Variants in SLC33A1 observed in about 807,000 individuals in gnomAD.
The protein encoded by SLC33A1 is acetyl-coenzyme A transporter 1.
SLC33A1 carries 20 observed loss-of-function variants against 50.0 expected under a neutral mutation model. The observed-to-expected ratio is 0.40, with a 90% CI of 0.28 to 0.58. SLC33A1 has a LOEUF of 0.58. Ranked by LOEUF, SLC33A1 falls within the 20% of genes least tolerant of loss-of-function variation. SLC33A1 has a pLI of 0.44. For missense variants in SLC33A1, 476 were observed against 657.0 expected (o/e 0.72, Z 3.01); for synonymous variants, 265 against 251.8 (o/e 1.05, Z -0.50).
At chr3:155,832,556 G>A (rs1421877702) in intron 4 of SLC33A1, among the ~76,000 whole-genome samples, 1 of 151,830 alleles carries the variant, frequency 6.6e-6, no homozygotes, top group Non-Finnish European at 1.5e-5. Context: ...GGCCGGGTAT[G>A]GTGGCTCATG....
At chr3:155,847,325 G>T (rs1222112528) in intron 1 of SLC33A1, among the ~76,000 whole-genome samples, 1 of 152,204 alleles carries the variant, frequency 6.6e-6, no homozygotes, top group Non-Finnish European at 1.5e-5. Context: ...GGTCTATCTA[G>T]AAATGGGTCA....
Position 155,853,671 on chromosome 3 carries a change from T to C in SLC33A1, c.327A>G (p.Gln109=), listed in dbSNP as rs74578336. 3.7e-3 allele frequency: 6,013 copies of C among 1,614,172 alleles called. 148 individuals carry two copies. In the African/African-American group the frequency reaches 0.063, roughly 17 times the overall value. The stretch of plus-strand genomic sequence containing the variant: ...GCCAAAAGACAAAACTGAAGAAAGC[T>C]TGGTCTGTATAGCTAACATTTTTGC... ...LQSKNVSYTD[Q]AFFSFVFWPF... The change falls in exon 1 of 6, where the codon CAA becomes CAG. Residue 109 remains glutamine, a synonymous_variant. Coordinates refer to ENST00000643144, the MANE Select transcript of SLC33A1 (RefSeq NM_004733.4).
chr3:155,841,378 C>A (rs902511068), intron 2 of SLC33A1, among the ~76,000 whole-genome samples: 1 of 152,062 alleles, frequency 6.6e-6, no homozygotes, highest in African/African-American at 2.4e-5. Flanking sequence ...GAGGAAAAAA[C>A]ACTCACTATT....
chr3:155,842,358 A>C, intron 2 of SLC33A1, 74 bp downstream of exon 2: 1 of 888,752 alleles, frequency 1.1e-6, no homozygotes, highest in South Asian at 1.5e-5. Flanking sequence ...CTGTGATATG[A>C]AAAAGGCATT....
intron 2 of SLC33A1, among the ~76,000 whole-genome samples, chr3:155,840,216 T>C (rs544921566): frequency 4.3e-4 from 65 of 151,332 alleles, no homozygotes; most frequent in African/African-American, 1.5e-3. Context: ...TCCTCCCGAG[T>C]AGCTGGGCTT....
At chr3:155,829,326 G>A (rs961348838) in intron 5 of SLC33A1, among the ~76,000 whole-genome samples, 2 of 152,110 alleles carry the variant, frequency 1.3e-5, no homozygotes, top group African/African-American at 4.8e-5. Flanking sequence ...TCACTATACA[G>A]GTTTAGTTAT....
At position 155,833,892 on chromosome 3, in the gene SLC33A1, C is replaced by T. The variant is rs754219844; in HGVS notation, c.1113G>A (p.Gln371=). The change falls in exon 3 of 6, where the codon CAG becomes CAA. Residue 371 remains glutamine, a synonymous_variant. Transcript: ENST00000643144. ...LIISKYTAGP[Q]PLNTFYKAMP... ...TGGCTTTGTAAAATGTGTTTAATGGCTGGGGACCTGCAGTGTATTTGCTGA... is the reference window on the plus strand; with the variant it reads ...TGGCTTTGTAAAATGTGTTTAATGGTTGGGGACCTGCAGTGTATTTGCTGA... 2.5e-6 allele frequency: 4 copies of T among 1,613,710 alleles called. 1 individual carries two copies. Among genetic ancestry groups the T allele is most frequent in the Non-Finnish European group, 2.5e-6 (3 of 1,179,888 alleles).
intron 5 of SLC33A1, among the ~76,000 whole-genome samples, chr3:155,828,764 A>AT (rs1416426471): frequency 6.6e-6 from 1 of 151,484 alleles, no homozygotes; most frequent in Non-Finnish European, 1.5e-5. Flanking sequence ...TAATTTCTAC[A>AT]TTTTTTGTAG....
intron 1 of SLC33A1, among the ~76,000 whole-genome samples, chr3:155,849,946 AATAAT>A (rs1177012957): frequency 4.4e-5 from 6 of 136,522 alleles, no homozygotes; most frequent in Non-Finnish European, 7.5e-5. Context: ...TAATAATAAT[AATAAT>A]AATAACAATT....
Position 155,854,278 on chromosome 3 carries a change from G to A in SLC33A1, c.-281C>T, listed in dbSNP as rs560777515. The A allele has an allele frequency of 2.0e-3, 667 of 329,438 alleles. 1 individual carries two copies. Among genetic ancestry groups the A allele is most frequent in the Non-Finnish European group, 3.1e-3 (563 of 179,752 alleles). The allele number at this position is 329,438 out of a possible 1,614,324, so 20.4% of individuals were successfully genotyped here. On this transcript the variant is annotated 5_prime_UTR_variant, in exon 1 of 6. Coordinates refer to ENST00000643144, the MANE Select transcript of SLC33A1 (RefSeq NM_004733.4). ...CCCCGGGCAGCAGCGCCGGGCTCGA[G>A]GCTGGAGGTGTGTGCCGTGGTGCCA... is the stretch of plus-strand genomic sequence containing the variant.
Position 155,833,747 on chromosome 3 carries a change from T to G in SLC33A1, c.1148+110A>C, listed in dbSNP as rs537323741. 4.1e-5 allele frequency: 42 copies of G among 1,032,648 alleles called. No homozygotes were observed. In the African/African-American group the frequency reaches 6.6e-4, roughly 16 times the overall value. 64.0% of individuals were successfully genotyped at this position (1,032,648 alleles called of 1,614,324 possible). A position where few individuals can be genotyped will look rare whatever the true frequency, so the allele number is the denominator to read the frequency against. ...TATAAATAATATTGAAAAAAGATGC[T>G]TTTCAAATCTTTTTCCATATATATA... On this transcript the variant is annotated intron_variant, in intron 3 of 5. Transcript: ENST00000643144.
In SLC33A1 at chr3:155,853,244, T is replaced by C. The variant is rs1424434691; in HGVS notation, c.754A>G (p.Arg252Gly). 1.9e-6 allele frequency: 3 copies of C among 1,613,812 alleles called. No homozygotes were observed. Among genetic ancestry groups the C allele is most frequent in the South Asian group, 1.1e-5 (1 of 91,088 alleles). The change falls in exon 1 of 6, where the codon AGA (arginine) becomes GGA (glycine). Residue 252 changes from arginine (R) to glycine (G), a missense_variant. Physicochemically the swap from Arg to Gly is moderately radical, Grantham distance 125. Coordinates refer to ENST00000643144, the MANE Select transcript of SLC33A1 (RefSeq NM_004733.4). The part of the protein sequence containing the change: ...NKYLRFQPQP[R>G]GIVTLSDFLF... ...CTACCTGAAAGAGTAACGATTCCTCTGGGTTGAGGCTGAAACCGCAAATAT... is the reference window on the plus strand; with the variant it reads ...CTACCTGAAAGAGTAACGATTCCTCCGGGTTGAGGCTGAAACCGCAAATAT...
At chr3:155,842,392 C>A in intron 2 of SLC33A1, 40 bp downstream of exon 2, 1 of 1,341,462 alleles carries the variant, frequency 7.5e-7, no homozygotes, top group South Asian at 1.2e-5. Flanking sequence ...GATATTGATA[C>A]TTATAAGAAA....
intron 4 of SLC33A1, among the ~76,000 whole-genome samples, chr3:155,831,542 A>G (rs891144091): frequency 1.3e-5 from 2 of 150,762 alleles, no homozygotes; most frequent in Non-Finnish European, 2.9e-5. Context: ...TATGTCATAC[A>G]TCATTTCTCG....
chr3:155,825,317 T>C lies in SLC33A1; in HGVS notation c.*2893A>G, dbSNP rs1157113473. The C allele has an allele frequency of 6.6e-6, 1 of 150,394 alleles. No homozygotes were observed. Among genetic ancestry groups the C allele is most frequent in the Non-Finnish European group, 1.5e-5 (1 of 67,646 alleles). The allele number at this position is 150,394 out of a possible 1,614,324, so 9.3% of individuals were successfully genotyped here. ...GGTGTGTACCACCATGCCTGGATAA[T>C]TAAAAAAAAAAAAGAAGTCATAAAG... is the stretch of plus-strand genomic sequence containing the variant. On this transcript the variant is annotated 3_prime_UTR_variant, in exon 6 of 6. Transcript: ENST00000643144.
chr3:155,832,089 C>G (rs1048256592), intron 4 of SLC33A1, among the ~76,000 whole-genome samples: 15 of 152,158 alleles, frequency 9.9e-5, no homozygotes, highest in Non-Finnish European at 1.8e-4. Context: ...AAAAAAATCT[C>G]ATTCTGGGCC....
intron 1 of SLC33A1, among the ~76,000 whole-genome samples, chr3:155,852,301 A>G (rs1753431488): frequency 1.3e-5 from 2 of 152,016 alleles, no homozygotes; most frequent in Non-Finnish European, 2.9e-5. Context: ...CCGACCCCCA[A>G]CTATCTCAAT....
At chr3:155,840,114 A>G (rs900832659) in intron 2 of SLC33A1, among the ~76,000 whole-genome samples, 3 of 151,492 alleles carry the variant, frequency 2.0e-5, no homozygotes, top group African/African-American at 7.3e-5. Context: ...TTGGGGATGG[A>G]GTCTCACTCT....
At chr3:155,851,190 G>A (rs1027557519) in intron 1 of SLC33A1, among the ~76,000 whole-genome samples, 5 of 151,932 alleles carry the variant, frequency 3.3e-5, no homozygotes, top group Non-Finnish European at 7.4e-5. Flanking sequence ...GCAGTGAGCT[G>A]AGGTCCTGCC....
Sources: allele counts gnomAD v4.1 joint callset (sites outside exome capture counted in the v4.1 genomes callset), GRCh38; gene constraint gnomAD v4.1.1; transcripts MANE v1.5; gene names NCBI Gene and HGNC (gene_info 2026-07-23, HGNC 2026-07-21).